The following TSHZ3 variants were observed in gnomAD, a reference collection of about 807,000 sequenced individuals.
The protein encoded by TSHZ3 is teashirt homolog 3.
TSHZ3 carries 10 observed loss-of-function variants against 64.5 expected under a neutral mutation model. The ratio of observed to expected loss-of-function variants is 0.16; its 90% CI spans 0.10 to 0.26. TSHZ3 has a LOEUF of 0.26. TSHZ3 is among the 10% of genes least tolerant of loss of function. The probability of loss-of-function intolerance (pLI) is 1.00; values close to 1 mark genes in which losing one functional copy is unlikely to be tolerated. For missense variants in TSHZ3, 1,242 were observed against 1,421.7 expected, an observed-to-expected ratio of 0.87 and a Z score of 2.03; for synonymous variants, 608 against 593.1, an observed-to-expected ratio of 1.03 and a Z score of -0.36.
chr19:31,245,255 G>GT (rs1975745825), intron 1 of TSHZ3, among the ~76,000 whole-genome samples: 1 of 152,134 alleles, frequency 6.6e-6, no homozygotes, highest in Admixed American at 6.5e-5. Flanking sequence ...GCAACCTTAA[G>GT]TAGGAGAAAG....
chr19:31,276,989 A>G lies in TSHZ3; in HGVS notation c.2804T>C (p.Ile935Thr). Residue 935 changes from isoleucine to threonine, a missense_variant, in exon 2 of 2, where the codon ATC becomes ACC. Transcript: ENST00000240587. Reference protein sequence around the residue: ...SDLSPQERMHISRFTGLSMTT... With the variant: ...SDLSPQERMHTSRFTGLSMTT... ...CATGGACAGCCCGGTGAACCTGGAGATATGCATCCGCTCCTGGGGGCTCAG... is the reference window on the plus strand; with the variant it reads ...CATGGACAGCCCGGTGAACCTGGAGGTATGCATCCGCTCCTGGGGGCTCAG... 6.2e-7 allele frequency: 1 copy of G among 1,613,296 alleles called. No homozygotes were observed. The highest frequency in any genetic ancestry group is 8.5e-7 in the Non-Finnish European group (1 of 1,179,388).
At chr19:31,259,530 A>T (rs1975957822) in intron 1 of TSHZ3, among the ~76,000 whole-genome samples, 1 of 152,014 alleles carries the variant, frequency 6.6e-6, no homozygotes, top group Admixed American at 6.6e-5. Flanking sequence ...TGCTAGGCAC[A>T]TGGGCTGGGG....
At chr19:31,195,408 T>G (rs1974972403) in intron 5 of TSHZ3, among the ~76,000 whole-genome samples, 1 of 152,138 alleles carries the variant, frequency 6.6e-6, no homozygotes, top group South Asian at 2.1e-4. Flanking sequence ...ACTTCTCCTC[T>G]TAAACTATGC....
chr19:31,202,296 T>A (rs1317600011), intron 5 of TSHZ3, among the ~76,000 whole-genome samples: 1 of 152,050 alleles, frequency 6.6e-6, no homozygotes, highest in East Asian at 1.9e-4. Flanking sequence ...CCAAAGCATA[T>A]AAAATTGTAA....
At chr19:31,169,084 A>G (rs1287334107) in intron 5 of TSHZ3, among the ~76,000 whole-genome samples, 2 of 152,058 alleles carry the variant, frequency 1.3e-5, no homozygotes, top group Non-Finnish European at 2.9e-5. Flanking sequence ...CACTCCACCC[A>G]GTGGACTTCA....
intron 1 of TSHZ3, among the ~76,000 whole-genome samples, chr19:31,318,565 G>A (rs946315562): frequency 2.6e-5 from 4 of 151,914 alleles, no homozygotes; most frequent in Non-Finnish European, 5.9e-5. Context: ...TGTATAAACT[G>A]ATTTAAATTA....
rs766593148 is a variant in TSHZ3 at position 31,276,869 on chromosome 19, A to T, written c.2924T>A (p.Val975Asp). The T allele has an allele frequency of 1.2e-6, 2 of 1,614,060 alleles. No homozygotes were observed. The highest frequency in any genetic ancestry group is 2.7e-5 in the African/African-American group (2 of 74,916). The change falls in exon 2 of 2, where the codon GTC (valine) becomes GAC (aspartate). Residue 975 changes from valine to aspartate, a missense_variant. By Grantham distance (152) the Val-to-Asp change is radical. Transcript: ENST00000240587. ...FLKNLDTGHP[V>D]FFCNDCASQI... The stretch of plus-strand genomic sequence containing the variant: ...GGACGCACAATCGTTACAAAAGAAG[A>T]CGGGGTGGCCAGTGTCCAAGTTTTT...
intron 1 of TSHZ3, among the ~76,000 whole-genome samples, chr19:31,322,121 G>T (rs1479578106): frequency 6.6e-6 from 1 of 152,068 alleles, no homozygotes; most frequent in Non-Finnish European, 1.5e-5. Context: ...AAGAATAATG[G>T]TTTTATGTTT....
intron 1 of TSHZ3, among the ~76,000 whole-genome samples, chr19:31,348,302 G>A (rs565033907): frequency 2.0e-5 from 3 of 152,186 alleles, no homozygotes; most frequent in East Asian, 1.9e-4. Flanking sequence ...GGATGGCAAC[G>A]GGCCAGAAAC....
At chr19:31,265,192 T>C (rs1238953114) in intron 1 of TSHZ3, among the ~76,000 whole-genome samples, 1 of 149,918 alleles carries the variant, frequency 6.7e-6, no homozygotes, top group African/African-American at 2.5e-5. Flanking sequence ...AGGTCAGGAG[T>C]TCGAGATCAG....
chr19:31,216,516 T>G (rs1975332993), intron 4 of TSHZ3, among the ~76,000 whole-genome samples: 1 of 151,596 alleles, frequency 6.6e-6, no homozygotes, highest in Non-Finnish European at 1.5e-5. Flanking sequence ...TGGTGCAATC[T>G]CAGCTCACTG....
chr19:31,184,656 G>T (rs960250045), intron 5 of TSHZ3, among the ~76,000 whole-genome samples: 1 of 152,174 alleles, frequency 6.6e-6, no homozygotes, highest in African/African-American at 2.4e-5. Flanking sequence ...AATCTCATGA[G>T]GTAGTAAGTG....
At chr19:31,287,115 C>G (rs190394611) in intron 1 of TSHZ3, among the ~76,000 whole-genome samples, 1 of 152,282 alleles carries the variant, frequency 6.6e-6, no homozygotes, top group African/African-American at 2.4e-5. Flanking sequence ...GACCTGCACT[C>G]TCCAACCACG....
chr19:31,206,706 G>T (rs1431016637), intron 4 of TSHZ3, among the ~76,000 whole-genome samples: 1 of 152,106 alleles, frequency 6.6e-6, no homozygotes, highest in Non-Finnish European at 1.5e-5. Flanking sequence ...TAAGTAGAAA[G>T]AAATCTATTT....
At chr19:31,207,183 G>T (rs1202794410) in intron 4 of TSHZ3, among the ~76,000 whole-genome samples, 2 of 152,238 alleles carry the variant, frequency 1.3e-5, no homozygotes, top group South Asian at 2.1e-4. Flanking sequence ...ATTGAAAAAA[G>T]TGATTATATA....
intron 3 of TSHZ3, among the ~76,000 whole-genome samples, chr19:31,232,164 C>G (rs1192789124): frequency 1.3e-5 from 2 of 152,078 alleles, no homozygotes; most frequent in Admixed American, 1.3e-4. Flanking sequence ...ACAGCCTTCT[C>G]CAAGAATGTG....
At position 31,279,621 on chromosome 19, in the gene TSHZ3, T is replaced by A; in HGVS notation, c.172A>T (p.Ser58Cys). ...PEKELARACP[S>C]YQNSPAAEFS... is the part of the protein sequence containing the mutation. ...TCGGCGGCCGGGGAGTTCTGGTAGC[T>A]GGGGCAGGCCCTGGCGAGCTCCTTC... The change falls in exon 2 of 2, where the codon AGC (serine) becomes TGC (cysteine). Residue 58 changes from serine to cysteine, a missense_variant. Ser to Cys is a moderately radical substitution (Grantham distance 112). Around this residue, in one of 4 missense-constraint regions of TSHZ3, gnomAD observed 555 missense variants for 704.0 expected, o/e 0.79. Transcript: ENST00000240587. The surrounding 1 kb of genome is among the most constrained non-coding windows in gnomAD (Gnocchi z 6.4). 6.2e-7 allele frequency: 1 copy of A among 1,612,116 alleles called. No individual in the cohort carries two copies. The highest frequency in any genetic ancestry group is 1.1e-5 in the South Asian group (1 of 90,752).
rs2145212414 is a variant in TSHZ3, at chr19:31,277,674, C to A, written c.2119G>T (p.Ala707Ser). ...TCAGGCGGGTGGTCGGTGATGATGGCCGTGCTGCCACTCAAACTGCTGGCT... is the reference window on the plus strand; with the variant it reads ...TCAGGCGGGTGGTCGGTGATGATGGACGTGCTGCCACTCAAACTGCTGGCT... ...PLASSLSGST[A>S]IITDHPPEQP... is the part of the protein sequence containing the mutation. The change falls in exon 2 of 2, where the codon GCC becomes TCC. Residue 707 changes from alanine to serine, a missense_variant. By Grantham distance (99) the Ala-to-Ser change is moderately conservative. Around this residue, in one of 4 missense-constraint regions of TSHZ3, gnomAD observed 550 missense variants for 545.1 expected, o/e 1.01. Transcript: ENST00000240587. The surrounding 1 kb of genome is among the most constrained non-coding windows in gnomAD (Gnocchi z 4.5). 3 of 1,528,202 alleles carry A rather than the reference C, an allele frequency of 2.0e-6. No homozygotes were observed. Among genetic ancestry groups the A allele is most frequent in the South Asian group, 2.6e-5 (2 of 76,172 alleles). The allele number at this position is 1,528,202 out of a possible 1,614,324, so 94.7% of individuals were successfully genotyped here.
intron 5 of TSHZ3, among the ~76,000 whole-genome samples, chr19:31,202,637 T>A (rs1975104359): frequency 6.6e-6 from 1 of 152,216 alleles, no homozygotes; most frequent in Non-Finnish European, 1.5e-5. Flanking sequence ...TTGCTCAACA[T>A]TCATGAACAC....
Sources: gnomAD v4.1 joint callset for allele counts (sites outside exome capture counted in the v4.1 genomes callset) on GRCh38, gnomAD v4.1.1 for gene constraint, gnomAD v4.1.1 regional missense constraint, Gnocchi (gnomAD v3.1) non-coding constraint, MANE v1.5 for transcripts, NCBI Gene and HGNC (gene_info 2026-07-23, HGNC 2026-07-21) for gene names.